Variants in TADA2B observed in about 807,000 individuals in gnomAD.
TADA2B encodes transcriptional adapter 2-beta.
In TADA2B, 13 loss-of-function variants were observed where a neutral mutation model predicts 34.5. The observed-to-expected ratio is 0.38, with a 90% CI of 0.25 to 0.60. The LOEUF (loss-of-function observed/expected upper bound fraction) is 0.60, where lower values mean the gene tolerates loss of function less well. Among genes scored for constraint, TADA2B ranks in the 20% least tolerant of loss-of-function variants. The probability of loss-of-function intolerance (pLI) is 0.65; values close to 1 mark genes in which losing one functional copy is unlikely to be tolerated. For missense variants in TADA2B, 442 were observed against 575.0 expected (o/e 0.77, Z 2.37); for synonymous variants, 240 against 243.4 (o/e 0.99, Z 0.13).
At chr4:7,049,571 G>A (rs1411443847) in intron 1 of TADA2B, among the ~76,000 whole-genome samples, 1 of 152,236 alleles carries the variant, frequency 6.6e-6, no homozygotes, top group Non-Finnish European at 1.5e-5. Flanking sequence ...CAGGCTGGGG[G>A]CAGTGGCCAG....
In TADA2B at chr4:7,043,633, G is replaced by T. The variant is rs760746195; in HGVS notation, c.54G>T (p.Pro18=). ...TGTACTGCCTGGCCGAGGTGAGCCC[G>T]CTGCGCTTCCGCTGCACCGAGTGCC... The part of the protein sequence containing the change: ...YCVYCLAEVS[P]LRFRCTECQD... The change falls in exon 1 of 2, where the codon CCG becomes CCT. Residue 18 remains proline (P), a synonymous_variant. Coordinates refer to ENST00000310074, the MANE Select transcript of TADA2B (RefSeq NM_152293.3). The T allele has an allele frequency of 2.2e-5, 33 of 1,516,868 alleles. No individual in the cohort carries two copies. The East Asian group carries it at 6.9e-4, about 32-fold the overall frequency. The allele number at this position is 1,516,868 out of a possible 1,614,324, so 94.0% of individuals were successfully genotyped here. A position where few individuals can be genotyped will look rare whatever the true frequency, so the allele number is the denominator to read the frequency against.
At position 7,054,540 on chromosome 4, in the gene TADA2B, A is replaced by G. The variant is rs1012465138; in HGVS notation, c.749A>G (p.Lys250Arg). Residue 250 changes from lysine to arginine, a missense_variant, in exon 2 of 2, where the codon AAG becomes AGG. Coordinates refer to ENST00000310074, the MANE Select transcript of TADA2B (RefSeq NM_152293.3). Reference protein sequence around the residue: ...KEKALKRKITKEEKELRLKLR... With the variant: ...KEKALKRKITREEKELRLKLR... ...AAGGCGCTGAAGCGCAAGATCACCA[A>G]GGAGGAGAAGGAGCTGCGCCTGAAG... 1.9e-6 allele frequency: 3 copies of G among 1,613,848 alleles called. No individual in the cohort carries two copies. Among genetic ancestry groups the G allele is most frequent in the South Asian group, 2.2e-5 (2 of 91,086 alleles).
At chr4:7,047,068 T>G (rs1723648300) in intron 1 of TADA2B, among the ~76,000 whole-genome samples, 1 of 152,086 alleles carries the variant, frequency 6.6e-6, no homozygotes, top group Non-Finnish European at 1.5e-5. Flanking sequence ...AGAGTCAGAT[T>G]AGCGGGGTCT....
intron 1 of TADA2B, chr4:7,052,716 T>G (rs1189456576): frequency 2.0e-5 from 3 of 148,390 alleles, no homozygotes; most frequent in Non-Finnish European, 4.5e-5. Context: ...AAATGCTTCC[T>G]GGGGAAATAA....
Position 7,043,397 on chromosome 4 carries a change from G to C in TADA2B, c.-183G>C, listed in dbSNP as rs1723533017. 6.1e-6 allele frequency: 1 copy of C among 165,140 alleles called. No individual in the cohort carries two copies. The highest frequency in any genetic ancestry group is 1.2e-5 in the Non-Finnish European group (1 of 82,838). 10.2% of individuals were successfully genotyped at this position (165,140 alleles called of 1,614,324 possible). A position where few individuals can be genotyped will look rare whatever the true frequency, so the allele number is the denominator to read the frequency against. On this transcript the variant is annotated 5_prime_UTR_variant, in exon 1 of 2. Transcript: ENST00000310074. The stretch of plus-strand genomic sequence containing the variant: ...GGACGGCGCCTGCGTACTGAGGGGG[G>C]ACGCGGCCCGGCTGGCTGGCTCTGG...
In TADA2B at chr4:7,043,604, T is replaced by C; in HGVS notation, c.25T>C (p.Cys9Arg). The change falls in exon 1 of 2, where the codon TGC (cysteine) becomes CGC (arginine). Residue 9 changes from cysteine (C) to arginine (R), a missense_variant. This residue lies in a region of TADA2B where 102 missense variants were observed against 177.2 expected (regional missense o/e 0.58). Transcript: ENST00000310074. ...GATGGCGGAGCTGGGGAAGAAGTACTGCGTGTACTGCCTGGCCGAGGTGAG... is the reference window on the plus strand; with the variant it reads ...GATGGCGGAGCTGGGGAAGAAGTACCGCGTGTACTGCCTGGCCGAGGTGAG... The part of the protein sequence containing the change: MAELGKKY[C>R]VYCLAEVSPL... 7.0e-7 allele frequency: 1 copy of C among 1,432,284 alleles called. No individual in the cohort carries two copies. Among genetic ancestry groups the C allele is most frequent in the Non-Finnish European group, 9.3e-7 (1 of 1,076,242 alleles). 88.7% of individuals were successfully genotyped at this position (1,432,284 alleles called of 1,614,324 possible). A position where few individuals can be genotyped will look rare whatever the true frequency, so the allele number is the denominator to read the frequency against.
Position 7,054,280 on chromosome 4 carries a change from G to A in TADA2B, c.489G>A (p.Gln163=). ...ACATCTCTGTGGCTGAGCAGCAGCA[G>A]CTGGGCTACATGCCGCTGCGGGATG... The part of the protein sequence containing the change: ...PLDISVAEQQ[Q]LGYMPLRDDY... The change falls in exon 2 of 2, where the codon CAG becomes CAA. Residue 163 remains glutamine (Q), a synonymous_variant. Transcript: ENST00000310074. 1 of 1,613,024 alleles carries A rather than the reference G, an allele frequency of 6.2e-7. No homozygotes were observed. Among genetic ancestry groups the A allele is most frequent in the Non-Finnish European group, 8.5e-7 (1 of 1,179,716 alleles).
rs376472841 is a variant in TADA2B at position 7,054,767 on chromosome 4, G to A, written c.976G>A (p.Gly326Ser). The A allele has an allele frequency of 3.1e-6, 5 of 1,613,928 alleles. No homozygotes were observed. In the East Asian group the frequency reaches 6.7e-5, roughly 22 times the overall value. ...GAGGAAGGAGAACAAAAACCTAGCC[G>A]GCTCCAAACGGGGAAAGGAGGACGG... Reference protein sequence around the residue: ...EKRKENKNLAGSKRGKEDGKD... With the variant: ...EKRKENKNLASSKRGKEDGKD... The change falls in exon 2 of 2, where the codon GGC (glycine) becomes AGC (serine). Residue 326 changes from glycine (G) to serine (S), a missense_variant. Gly to Ser is a moderately conservative substitution (Grantham distance 56). This residue lies in a region of TADA2B where 114 missense variants were observed against 144.7 expected (regional missense o/e 0.79). Coordinates refer to ENST00000310074, the MANE Select transcript of TADA2B (RefSeq NM_152293.3).
intron 1 of TADA2B, chr4:7,045,005 C>T (rs1321899325): frequency 6.6e-6 from 1 of 152,336 alleles, no homozygotes; most frequent in African/African-American, 2.4e-5. Flanking sequence ...ACTGGGATCT[C>T]CATTTTTCAG....
rs1723929794 is a variant in TADA2B, at chr4:7,057,818, A to G, written c.*2764A>G. 6.6e-6 allele frequency: 1 copy of G among 152,154 alleles called. No homozygotes were observed. The highest frequency in any genetic ancestry group is 2.4e-5 in the African/African-American group (1 of 41,446). 9.4% of individuals were successfully genotyped at this position (152,154 alleles called of 1,614,324 possible). A position where few individuals can be genotyped will look rare whatever the true frequency, so the allele number is the denominator to read the frequency against. ...ATCTAAGCAAACTATCTTTGAGTCAAAAAAAGTTGGATAACTCATCTATAT... is the reference window on the plus strand; with the variant it reads ...ATCTAAGCAAACTATCTTTGAGTCAGAAAAAGTTGGATAACTCATCTATAT... On this transcript the variant is annotated 3_prime_UTR_variant, in exon 2 of 2. Coordinates refer to ENST00000310074, the MANE Select transcript of TADA2B (RefSeq NM_152293.3).
In TADA2B at chr4:7,054,893, C is replaced by G; in HGVS notation, c.1102C>G (p.Arg368Gly). ...CAGCTCTTTAAACTTGAGTCCAGCC[C>G]GCTACGTGACTGTGAAGACTATTAT... Reference protein sequence around the residue: ...LCSSLNLSPARYVTVKTIIIK... With the variant: ...LCSSLNLSPAGYVTVKTIIIK... Residue 368 changes from arginine to glycine, a missense_variant, in exon 2 of 2, where the codon CGC (arginine) becomes GGC (glycine). Physicochemically the swap from Arg to Gly is moderately radical, Grantham distance 125. Coordinates refer to ENST00000310074, the MANE Select transcript of TADA2B (RefSeq NM_152293.3). The G allele has an allele frequency of 6.2e-7, 1 of 1,613,930 alleles. No individual in the cohort carries two copies. The highest frequency in any genetic ancestry group is 8.5e-7 in the Non-Finnish European group (1 of 1,179,898).
At chr4:7,050,664 C>T (rs1723745419) in intron 1 of TADA2B, among the ~76,000 whole-genome samples, 5 of 152,362 alleles carry the variant, frequency 3.3e-5, no homozygotes, top group African/African-American at 1.2e-4. Flanking sequence ...GCAGGGCTGG[C>T]AGCCTCGGGC....
chr4:7,043,772 G>C lies in TADA2B; in HGVS notation c.193G>C (p.Glu65Gln), dbSNP rs1294611246. 6.4e-7 allele frequency: 1 copy of C among 1,573,720 alleles called. No individual in the cohort carries two copies. Among genetic ancestry groups the C allele is most frequent in the African/African-American group, 1.4e-5 (1 of 73,254 alleles). Residue 65 changes from glutamate (E) to glutamine (Q), a missense_variant, in exon 1 of 2, where the codon GAG (glutamate) becomes CAG (glutamine). Around this residue, in one of 4 missense-constraint regions of TADA2B, gnomAD observed 102 missense variants for 177.2 expected, o/e 0.58. Transcript: ENST00000310074. ...DGGRFTLWGP[E>Q]AEGGWTSREE... is the part of the protein sequence containing the mutation. ...CGGGCGCTTCACGCTCTGGGGGCCC[G>C]AGGCCGAGGGCGGCTGGACCAGTCG...
chr4:7,052,608 C>G (rs973061990), intron 1 of TADA2B, among the ~76,000 whole-genome samples: 1 of 152,182 alleles, frequency 6.6e-6, no homozygotes, highest in African/African-American at 2.4e-5. Context: ...AATGACAGAC[C>G]CGAGGCTCAG....
chr4:7,055,236 C>A lies in TADA2B; in HGVS notation c.*182C>A. 1 of 641,958 alleles carries A rather than the reference C, an allele frequency of 1.6e-6. No individual in the cohort carries two copies. The highest frequency in any genetic ancestry group is 2.6e-6 in the Non-Finnish European group (1 of 381,572). The allele number at this position is 641,958 out of a possible 1,614,324, so 39.8% of individuals were successfully genotyped here. On this transcript the variant is annotated 3_prime_UTR_variant, in exon 2 of 2. Coordinates refer to ENST00000310074, the MANE Select transcript of TADA2B (RefSeq NM_152293.3). ...CAATAGTAACAATCTTATATTGGATCATGGGGGAAGCAAATGTGTGTATTT... is the reference window on the plus strand; with the variant it reads ...CAATAGTAACAATCTTATATTGGATAATGGGGGAAGCAAATGTGTGTATTT...
chr4:7,052,553 T>C lies in TADA2B; in HGVS notation c.271-1509T>C, dbSNP rs1325671053. Among the ~76,000 whole-genome samples the C allele has an allele frequency of 4.6e-5, 7 of 152,204 alleles. No individual in the cohort carries two copies. In the South Asian group the frequency reaches 1.4e-3, roughly 31 times the overall value. ...CCACTCTGGCCCTGAAGGCTTTTCT[T>C]ACCCATGTGAGGTGTGTGGGGCTGC... On this transcript the variant is annotated intron_variant, in intron 1 of 1. Coordinates refer to ENST00000310074, the MANE Select transcript of TADA2B (RefSeq NM_152293.3).
intron 1 of TADA2B, among the ~76,000 whole-genome samples, chr4:7,044,645 C>T (rs1296664391): frequency 6.6e-6 from 1 of 152,130 alleles, no homozygotes; most frequent in African/African-American, 2.4e-5. Context: ...AGCTTGCATC[C>T]GTATTAGAAA....
intron 1 of TADA2B, 194 bp from the exon 2 acceptor site, chr4:7,053,868 G>A: frequency 1.7e-6 from 1 of 602,672 alleles, no homozygotes; most frequent in South Asian, 2.3e-5. Flanking sequence ...ATGTGTTGTT[G>A]CTTCAACATT....
chr4:7,048,137 G>A (rs1055131735), intron 1 of TADA2B, among the ~76,000 whole-genome samples: 5 of 152,200 alleles, frequency 3.3e-5, no homozygotes, highest in African/African-American at 9.6e-5. Flanking sequence ...CTCTGAGGCC[G>A]AGGTCTGGAA....
Sources: allele counts gnomAD v4.1 joint callset (sites outside exome capture counted in the v4.1 genomes callset), GRCh38; gene constraint gnomAD v4.1.1; regional missense constraint gnomAD v4.1.1; transcripts MANE v1.5; gene names NCBI Gene and HGNC (gene_info 2026-07-23, HGNC 2026-07-21).